Variants in FTO observed in about 807,000 individuals in gnomAD.
The protein encoded by FTO is FTO alpha-ketoglutarate dependent dioxygenase.
In FTO, 47 loss-of-function variants were observed where a neutral mutation model predicts 63.9. The observed-to-expected ratio is 0.74, with a 90% CI of 0.58 to 0.94. The LOEUF is 0.94. Among genes scored for constraint, FTO ranks in the 40% least tolerant of loss-of-function variants. The pLI is 0.00. For missense variants in FTO, 562 were observed against 618.1 expected, an observed-to-expected ratio of 0.91 and a Z score of 0.96; for synonymous variants, 207 against 224.4, an observed-to-expected ratio of 0.92 and a Z score of 0.69.
chr16:53,930,642 G>A (rs1316467527), intron 7 of FTO, among the ~76,000 whole-genome samples: 3 of 151,644 alleles, frequency 2.0e-5, no homozygotes, highest in African/African-American at 4.8e-5. Flanking sequence ...AAATTACTAC[G>A]AAAAATGAGT....
At chr16:53,940,010 A>G (rs2082490309) in intron 8 of FTO, among the ~76,000 whole-genome samples, 1 of 152,124 alleles carries the variant, frequency 6.6e-6, no homozygotes, top group African/African-American at 2.4e-5. Flanking sequence ...GTATATACCT[A>G]GGAATGGAAT....
In FTO at chr16:53,760,671, G is replaced by C. The variant is rs191849216; in HGVS notation, c.46-49469G>C. Among the ~76,000 whole-genome samples the C allele has an allele frequency of 2.6e-3, 350 of 134,362 alleles. 2 individuals carry two copies. Among genetic ancestry groups the C allele is most frequent in the African/African-American group, 8.7e-3 (319 of 36,552 alleles). The allele number at this position is 134,362 out of a possible 152,430, so 88.1% of individuals were successfully genotyped here. A position where few individuals can be genotyped will look rare whatever the true frequency, so the allele number is the denominator to read the frequency against. ...AGACTGAGTCTGGCTCTGTTGCCCA[G>C]ACTGGAGTGTAGTGGCATGATCTCA... On this transcript the variant is annotated intron_variant, in intron 1 of 8. Coordinates refer to ENST00000471389, the MANE Select transcript of FTO (RefSeq NM_001080432.3).
intron 4 of FTO, among the ~76,000 whole-genome samples, chr16:53,852,074 G>A (rs2079815258): frequency 7.3e-6 from 1 of 137,334 alleles, no homozygotes; most frequent in South Asian, 2.3e-4. Context: ...TGGGCAACAT[G>A]GCAAAACTCT....
chr16:53,980,360 G>A (rs2083515123), intron 8 of FTO, among the ~76,000 whole-genome samples: 1 of 152,138 alleles, frequency 6.6e-6, no homozygotes, highest in South Asian at 2.1e-4. Flanking sequence ...AAAGAGACCT[G>A]TTTATGCATT....
chr16:53,889,483 G>C (rs1322840609), intron 7 of FTO, among the ~76,000 whole-genome samples: 1 of 152,154 alleles, frequency 6.6e-6, no homozygotes, highest in Non-Finnish European at 1.5e-5. Flanking sequence ...AACAAGGAGA[G>C]GGGCACGAAT....
At chr16:53,762,363 C>CTGT (rs2077091828) in intron 1 of FTO, among the ~76,000 whole-genome samples, 1 of 152,116 alleles carries the variant, frequency 6.6e-6, no homozygotes, top group African/African-American at 2.4e-5. Context: ...TTATGCATTT[C>CTGT]TGTGAGTGCT....
intron 8 of FTO, among the ~76,000 whole-genome samples, chr16:54,084,475 T>A (rs761562829): frequency 3.9e-5 from 6 of 151,978 alleles, no homozygotes; most frequent in Non-Finnish European, 8.8e-5. Flanking sequence ...ATTGGATGAG[T>A]TAGGTTCTGT....
chr16:54,009,411 C>G (rs12600130), intron 8 of FTO, among the ~76,000 whole-genome samples: 18,810 of 152,018 alleles, frequency 0.12, 1,567 homozygotes, highest in Admixed American at 0.26. Context: ...AAAACTATAC[C>G]TGAATTTAAA....
chr16:53,768,672 G>A (rs1389876239), intron 1 of FTO, among the ~76,000 whole-genome samples: 1 of 152,148 alleles, frequency 6.6e-6, no homozygotes, highest in Non-Finnish European at 1.5e-5. Context: ...TCATTTTGGG[G>A]GTGGTTTATG....
intron 8 of FTO, among the ~76,000 whole-genome samples, chr16:54,077,956 G>A (rs1283567894): frequency 3.3e-5 from 5 of 152,110 alleles, no homozygotes; most frequent in Non-Finnish European, 7.4e-5. Context: ...ACATACCAAG[G>A]ATGGGGCAGT....
intron 8 of FTO, among the ~76,000 whole-genome samples, chr16:54,006,791 T>C (rs555704963): frequency 2.6e-5 from 4 of 152,362 alleles, no homozygotes; most frequent in African/African-American, 7.2e-5. Context: ...AAGTGAGCGA[T>C]TGATGAAACT....
At chr16:54,065,554 T>C (rs1319382035) in intron 8 of FTO, among the ~76,000 whole-genome samples, 1 of 152,146 alleles carries the variant, frequency 6.6e-6, no homozygotes, top group Admixed American at 6.5e-5. Context: ...CATTTGTCAA[T>C]AAAAAGTGTC....
chr16:54,075,802 G>C (rs1294997443), intron 8 of FTO, among the ~76,000 whole-genome samples: 12 of 151,966 alleles, frequency 7.9e-5, no homozygotes, highest in Non-Finnish European at 1.6e-4. Flanking sequence ...AATCTTTACT[G>C]TATGTGAAAT....
At chr16:54,011,086 C>T (rs1223522895) in intron 8 of FTO, among the ~76,000 whole-genome samples, 3 of 152,170 alleles carry the variant, frequency 2.0e-5, no homozygotes, top group Non-Finnish European at 2.9e-5. Context: ...CTGACTTCTG[C>T]ACCCCAGATA....
chr16:53,970,825 A>G (rs2083300954), intron 8 of FTO, among the ~76,000 whole-genome samples: 1 of 152,214 alleles, frequency 6.6e-6, no homozygotes, highest in Non-Finnish European at 1.5e-5. Context: ...GTTTTAAAAC[A>G]TGCAGATAAA....
At chr16:53,820,491 T>A (rs576589500) in intron 2 of FTO, among the ~76,000 whole-genome samples, 20 of 151,960 alleles carry the variant, frequency 1.3e-4, no homozygotes, top group Admixed American at 7.9e-4. Context: ...TTTTTTTTTT[T>A]ATTATACTTT....
At chr16:53,761,560 G>A (rs2077070699) in intron 1 of FTO, among the ~76,000 whole-genome samples, 2 of 152,140 alleles carry the variant, frequency 1.3e-5, no homozygotes, top group Non-Finnish European at 1.5e-5. Context: ...GAAAATCAAC[G>A]TAAGAAAACA....
chr16:53,764,742 GAC>G (rs1387571918), intron 1 of FTO, among the ~76,000 whole-genome samples: 4 of 151,596 alleles, frequency 2.6e-5, no homozygotes, highest in African/African-American at 9.7e-5. Context: ...TTTTTTTTGA[GAC>G]ACAGTTTCAC....
chr16:53,982,281 C>T (rs1435155455), intron 8 of FTO, among the ~76,000 whole-genome samples: 6 of 152,128 alleles, frequency 3.9e-5, no homozygotes, highest in Non-Finnish European at 7.4e-5. Flanking sequence ...ACCTCCAATA[C>T]ACCTCTTTTC....
Sources: gnomAD v4.1 joint callset for allele counts (sites outside exome capture counted in the v4.1 genomes callset) on GRCh38, gnomAD v4.1.1 for gene constraint, MANE v1.5 for transcripts, NCBI Gene and HGNC (gene_info 2026-07-23, HGNC 2026-07-21) for gene names.